The following PPM1E variants were observed in gnomAD, a reference collection of about 807,000 sequenced individuals.
PPM1E encodes the protein protein phosphatase, Mg2+/Mn2+ dependent 1E.
A neutral mutation model predicts 65.9 loss-of-function variants in PPM1E; 20 were observed. The ratio of observed to expected loss-of-function variants is 0.30; its 90% confidence interval spans 0.21 to 0.44. The LOEUF is 0.44. PPM1E is among the 20% of genes least tolerant of loss of function. The probability of loss-of-function intolerance (pLI) is 1.00; values close to 1 mark genes in which losing one functional copy is unlikely to be tolerated. For synonymous variants in PPM1E, 352 were observed against 374.9 expected (o/e 0.94, Z 0.70); for missense variants, 713 against 953.1 (o/e 0.75, Z 3.32).
chr17:58,956,537 TAATTA>T (rs2029879862), intron 2 of PPM1E, among the ~76,000 whole-genome samples: 1 of 152,152 alleles, frequency 6.6e-6, no homozygotes, highest in Admixed American at 6.5e-5. Context: ...AACTTCTCAC[TAATTA>T]TATTAAATTT....
chr17:58,829,196 C>T (rs1196726858), intron 1 of PPM1E, among the ~76,000 whole-genome samples: 1 of 152,024 alleles, frequency 6.6e-6, no homozygotes, highest in Non-Finnish European at 1.5e-5. Context: ...GCATGCGCCA[C>T]CATGCCTGGC....
rs1385627661 is a variant in PPM1E, at chr17:58,935,586, C to T, written c.465-20063C>T. ...AAAGATGTGCTATCTAATTTCTTCT[C>T]GTCATGGAGAAAGGATGACAAGAAA... On this transcript the variant is annotated intron_variant, in intron 1 of 6. Transcript: ENST00000308249. Among the ~76,000 whole-genome samples the T allele has an allele frequency of 4.6e-5, 7 of 152,274 alleles. No individual in the cohort carries two copies. In the South Asian group the frequency reaches 8.3e-4, roughly 18 times the overall value.
Position 58,983,615 on chromosome 17 carries a change from G to C in PPM1E, c.*2584G>C, listed in dbSNP as rs535949090. The C allele has an allele frequency of 6.5e-6, 1 of 152,692 alleles. No homozygotes were observed. The highest frequency in any genetic ancestry group is 1.9e-4 in the East Asian group (1 of 5,184). 9.5% of individuals were successfully genotyped at this position (152,692 alleles called of 1,614,324 possible). On this transcript the variant is annotated 3_prime_UTR_variant, in exon 7 of 7. Coordinates refer to ENST00000308249, the MANE Select transcript of PPM1E (RefSeq NM_014906.5). ...GTACCTGGTGATTGTAAAAATATTA[G>C]ACAGATATAAAAGTATCTATATAAT...
Position 58,982,957 on chromosome 17 carries a change from G to A in PPM1E, c.*1926G>A, listed in dbSNP as rs769308930. ...AAGAAAACAAAGGCAGCAGACTATT[G>A]GTACACATTATAGTCCAAAGTGCTT... On this transcript the variant is annotated 3_prime_UTR_variant, in exon 7 of 7. Coordinates refer to ENST00000308249, the MANE Select transcript of PPM1E (RefSeq NM_014906.5). 8.4e-6 allele frequency: 13 copies of A among 1,556,554 alleles called. No individual in the cohort carries two copies. The highest frequency in any genetic ancestry group is 1.7e-4 in the Middle Eastern group (1 of 6,012).
chr17:58,843,929 A>G (rs1187828916), intron 1 of PPM1E, among the ~76,000 whole-genome samples: 1 of 152,248 alleles, frequency 6.6e-6, no homozygotes, highest in Non-Finnish European at 1.5e-5. Flanking sequence ...TAAGCATACA[A>G]TGTAAACAAA....
At chr17:58,904,669 T>G (rs2051535681) in intron 1 of PPM1E, among the ~76,000 whole-genome samples, 1 of 152,198 alleles carries the variant, frequency 6.6e-6, no homozygotes, top group Non-Finnish European at 1.5e-5. Flanking sequence ...TTTAGTTCTT[T>G]GATTTCTTTC....
At chr17:58,956,216 C>T (rs772920061) in intron 2 of PPM1E, among the ~76,000 whole-genome samples, 1 of 152,040 alleles carries the variant, frequency 6.6e-6, no homozygotes, top group Non-Finnish European at 1.5e-5. Flanking sequence ...GGCAGATCAC[C>T]TGAGGTCAGG....
intron 1 of PPM1E, among the ~76,000 whole-genome samples, chr17:58,943,383 T>A (rs191051221): frequency 6.6e-6 from 1 of 152,276 alleles, no homozygotes; most frequent in East Asian, 1.9e-4. Flanking sequence ...CTTGTGACAC[T>A]TGATGAACTA....
At position 58,755,966 on chromosome 17, in the gene PPM1E, CT is replaced by C; in HGVS notation, c.-29del. ...ACCCTTCCTGGGCTTCCCCCAACCC[CT>C]TTCCCGGTCTGCCCTGGGGCATGAG... On this transcript the variant is annotated 5_prime_UTR_variant, in exon 1 of 7. Transcript: ENST00000308249. The C allele has an allele frequency of 1.2e-6, 2 of 1,613,506 alleles. No individual in the cohort carries two copies. The highest frequency in any genetic ancestry group is 1.7e-6 in the Non-Finnish European group (2 of 1,179,632).
intron 1 of PPM1E, among the ~76,000 whole-genome samples, chr17:58,849,646 A>G (rs569908706): frequency 6.6e-6 from 1 of 152,188 alleles, no homozygotes; most frequent in African/African-American, 2.4e-5. Context: ...ACAGTTTGTT[A>G]TAATTTCTCT....
intron 1 of PPM1E, among the ~76,000 whole-genome samples, chr17:58,782,074 C>A (rs1598567354): frequency 6.6e-6 from 1 of 151,892 alleles, no homozygotes; most frequent in South Asian, 2.1e-4. Flanking sequence ...CTATTTATAG[C>A]CAATGAGGAA....
chr17:58,836,985 ACTC>A (rs2050665096), intron 1 of PPM1E, among the ~76,000 whole-genome samples: 1 of 139,782 alleles, frequency 7.2e-6, no homozygotes, highest in African/African-American at 2.7e-5. Flanking sequence ...CCGCCACTGC[ACTC>A]CAGCCTGGGC....
At chr17:58,879,374 C>A (rs2051163863) in intron 1 of PPM1E, among the ~76,000 whole-genome samples, 1 of 150,948 alleles carries the variant, frequency 6.6e-6, no homozygotes, top group Non-Finnish European at 1.5e-5. Flanking sequence ...AGCAATCCTG[C>A]TACCTCAGCT....
At chr17:58,905,775 A>T (rs2051551640) in intron 1 of PPM1E, among the ~76,000 whole-genome samples, 1 of 151,914 alleles carries the variant, frequency 6.6e-6, no homozygotes, top group African/African-American at 2.4e-5. Context: ...TTAATTTTTA[A>T]TTTTTGTGGG....
chr17:58,866,700 A>G (rs1287894834), intron 1 of PPM1E, among the ~76,000 whole-genome samples: 1 of 152,206 alleles, frequency 6.6e-6, no homozygotes, highest in Non-Finnish European at 1.5e-5. Flanking sequence ...TCATAGTACA[A>G]AATAATCCCT....
chr17:58,881,281 C>T (rs948088488), intron 1 of PPM1E, among the ~76,000 whole-genome samples: 1 of 152,204 alleles, frequency 6.6e-6, no homozygotes, highest in African/African-American at 2.4e-5. Flanking sequence ...GTAATCGCAG[C>T]ACTTTGGAGG....
At chr17:58,962,237 T>C (rs1322607446) in intron 2 of PPM1E, among the ~76,000 whole-genome samples, 1 of 151,500 alleles carries the variant, frequency 6.6e-6, no homozygotes, top group African/African-American at 2.4e-5. Flanking sequence ...TGAGCCGAGA[T>C]TGTGCCATTG....
intron 1 of PPM1E, among the ~76,000 whole-genome samples, chr17:58,937,207 T>C (rs1381897528): frequency 2.6e-5 from 4 of 151,166 alleles, no homozygotes; most frequent in Non-Finnish European, 1.5e-5. Context: ...GTTTCAAATA[T>C]AAAATTTTAT....
At chr17:58,805,213 C>T (rs2050294073) in intron 1 of PPM1E, among the ~76,000 whole-genome samples, 2 of 152,000 alleles carry the variant, frequency 1.3e-5, no homozygotes, top group Admixed American at 1.3e-4. Context: ...GTGCACCAGT[C>T]ACCCAAGCAG....
Sources: allele counts gnomAD v4.1 joint callset (sites outside exome capture counted in the v4.1 genomes callset), GRCh38; gene constraint gnomAD v4.1.1; transcripts MANE v1.5; gene names NCBI Gene and HGNC (gene_info 2026-07-23, HGNC 2026-07-21).